The following PLPP4 variants were observed in gnomAD, a reference collection of about 807,000 sequenced individuals.
PLPP4 encodes the protein phospholipid phosphatase 4.
PLPP4 carries 20 observed loss-of-function variants against 32.2 expected under a neutral mutation model. The observed-to-expected ratio is 0.62, with a 90% CI of 0.44 to 0.90. PLPP4 has a LOEUF of 0.90. PLPP4 is among the 40% of genes least tolerant of loss of function. The pLI is 0.00. For missense variants in PLPP4, 257 were observed against 353.1 expected (o/e 0.73, Z 2.18); for synonymous variants, 127 against 133.0 (o/e 0.95, Z 0.31).
At chr10:120,580,855 C>G (rs1460106760) in intron 6 of PLPP4, 1 of 1,284,884 alleles carries the variant, frequency 7.8e-7, no homozygotes, top group East Asian at 5.6e-5. Context: ...CTCTAATATC[C>G]TCAGCCCAAG....
intron 1 of PLPP4, among the ~76,000 whole-genome samples, chr10:120,461,854 TTCA>T (rs1446615745): frequency 6.6e-6 from 1 of 152,244 alleles, no homozygotes; most frequent in African/African-American, 2.4e-5. Context: ...TCCTTTTCCC[TTCA>T]TTGGTACGCT....
intron 1 of PLPP4, among the ~76,000 whole-genome samples, chr10:120,465,894 C>T (rs970899983): frequency 1.1e-4 from 16 of 152,132 alleles, no homozygotes; most frequent in Admixed American, 2.6e-4. Context: ...TTGTGGGTAG[C>T]GGCAGTTTGT....
At chr10:120,531,049 GAAGA>G (rs1480460100) in intron 5 of PLPP4, among the ~76,000 whole-genome samples, 4 of 150,296 alleles carry the variant, frequency 2.7e-5, no homozygotes, top group African/African-American at 9.8e-5. Context: ...AGAAAGAATA[GAAGA>G]AAGAAAGAAG....
rs1301904548 is a variant in PLPP4 at position 120,590,379 on chromosome 10, G to C, written c.*877G>C. On this transcript the variant is annotated 3_prime_UTR_variant, in exon 7 of 7. Coordinates refer to ENST00000398250, the MANE Select transcript of PLPP4 (RefSeq NM_001030059.3). ...AAGGGAGTGGCTGAGTGGCCATTGG[G>C]GATAAGAAGCAACTTCAGGCTGAGA... Among the ~76,000 whole-genome samples, 1 of 152,016 alleles carries C rather than the reference G, an allele frequency of 6.6e-6. No homozygotes were observed. The highest frequency in any genetic ancestry group is 2.4e-5 in the African/African-American group (1 of 41,402).
At chr10:120,538,834 C>G (rs187063972) in intron 5 of PLPP4, among the ~76,000 whole-genome samples, 1 of 152,126 alleles carries the variant, frequency 6.6e-6, no homozygotes, top group African/African-American at 2.4e-5. Flanking sequence ...TTTACTATTA[C>G]TAGCCCTATT....
At chr10:120,469,879 C>G (rs1848442632) in intron 1 of PLPP4, among the ~76,000 whole-genome samples, 1 of 152,118 alleles carries the variant, frequency 6.6e-6, no homozygotes, top group Non-Finnish European at 1.5e-5. Flanking sequence ...TTGTATTAAC[C>G]TATTCATGGA....
chr10:120,585,376 G>A (rs970288107), intron 6 of PLPP4, among the ~76,000 whole-genome samples: 1 of 152,082 alleles, frequency 6.6e-6, no homozygotes, highest in Non-Finnish European at 1.5e-5. Context: ...GTTTATTTAC[G>A]ATGCTATGAA....
intron 1 of PLPP4, among the ~76,000 whole-genome samples, chr10:120,478,226 T>A (rs868827596): frequency 1.3e-5 from 2 of 152,338 alleles, no homozygotes; most frequent in Middle Eastern, 3.4e-3. Context: ...TTTTCATTTC[T>A]CATAGTGACC....
chr10:120,554,973 C>T (rs1300847213), intron 5 of PLPP4, among the ~76,000 whole-genome samples: 1 of 152,070 alleles, frequency 6.6e-6, no homozygotes, highest in Non-Finnish European at 1.5e-5. Flanking sequence ...GCTCTGTCTG[C>T]CACTTGGGAC....
At chr10:120,532,394 A>C (rs1380458038) in intron 5 of PLPP4, among the ~76,000 whole-genome samples, 1 of 152,152 alleles carries the variant, frequency 6.6e-6, no homozygotes, top group African/African-American at 2.4e-5. Flanking sequence ...TATATTGATT[A>C]GTATAGCATT....
intron 6 of PLPP4, among the ~76,000 whole-genome samples, chr10:120,588,890 A>G (rs1849887756): frequency 6.6e-6 from 1 of 152,216 alleles, no homozygotes; most frequent in East Asian, 1.9e-4. Context: ...TACTAAAAAT[A>G]CAAAAATTAG....
chr10:120,493,009 ATTC>A (rs1844790551), intron 1 of PLPP4, among the ~76,000 whole-genome samples: 1 of 152,222 alleles, frequency 6.6e-6, no homozygotes, highest in South Asian at 2.1e-4. Flanking sequence ...CAAAGAGGGC[ATTC>A]TTCTACATAT....
chr10:120,534,155 A>G (rs1253121355), intron 5 of PLPP4, among the ~76,000 whole-genome samples: 4 of 152,154 alleles, frequency 2.6e-5, no homozygotes, highest in East Asian at 3.9e-4. Flanking sequence ...TCTGCTAGCA[A>G]TGAATTCTCT....
rs138020287 is a variant in PLPP4 at position 120,580,936 on chromosome 10, C to T, written c.616+5635C>T. On this transcript the variant is annotated intron_variant, in intron 6 of 6. Transcript: ENST00000398250. ...ATGGCAGGGCCCACAGTCACATTTA[C>T]CATCGGCTGCCAACCCCCGCCTCTG... 3.4e-5 allele frequency: 44 copies of T among 1,289,322 alleles called. 1 individual carries two copies. The South Asian group carries it at 4.6e-4, about 13-fold the overall frequency. The allele number at this position is 1,289,322 out of a possible 1,614,324, so 79.9% of individuals were successfully genotyped here.
intron 1 of PLPP4, among the ~76,000 whole-genome samples, chr10:120,457,780 C>G (rs758530275): frequency 1.1e-4 from 16 of 152,238 alleles, no homozygotes; most frequent in Admixed American, 3.9e-4. Context: ...TTCCTCCCCG[C>G]TGTGCCCAGG....
At chr10:120,588,258 G>A (rs1849853174) in intron 6 of PLPP4, among the ~76,000 whole-genome samples, 1 of 152,254 alleles carries the variant, frequency 6.6e-6, no homozygotes, top group African/African-American at 2.4e-5. Context: ...GTTTATGTGA[G>A]CTGCTTTTAT....
At chr10:120,481,919 T>A (rs145895530) in intron 1 of PLPP4, among the ~76,000 whole-genome samples, 2 of 152,166 alleles carry the variant, frequency 1.3e-5, no homozygotes, top group African/African-American at 4.8e-5. Context: ...CAAGATCTGA[T>A]GGTTCTATAA....
chr10:120,521,066 G>A lies in PLPP4; in HGVS notation c.416G>A (p.Arg139His), dbSNP rs201679766. The A allele has an allele frequency of 9.3e-6, 15 of 1,614,024 alleles. No homozygotes were observed. The highest frequency in any genetic ancestry group is 2.2e-5 in the East Asian group (1 of 44,864). The change falls in exon 5 of 7, where the codon CGC (arginine) becomes CAC (histidine). Residue 139 changes from arginine to histidine, a missense_variant. Physicochemically the swap from Arg to His is conservative, Grantham distance 29. Transcript: ENST00000398250. ...TGDPDLVSEG[R>H]KSFPSIHSSF... The stretch of plus-strand genomic sequence containing the variant: ...GACCCCGATCTGGTGTCCGAGGGCC[G>A]CAAAAGCTTCCCCAGCATCCATTCC...
chr10:120,521,598 A>T (rs1034411433), intron 5 of PLPP4, among the ~76,000 whole-genome samples: 1 of 152,176 alleles, frequency 6.6e-6, no homozygotes, highest in African/African-American at 2.4e-5. Flanking sequence ...TAAAACAAAG[A>T]CTTAATACTG....
Sources: gnomAD v4.1 joint callset for allele counts (sites outside exome capture counted in the v4.1 genomes callset) on GRCh38, gnomAD v4.1.1 for gene constraint, MANE v1.5 for transcripts, NCBI Gene and HGNC (gene_info 2026-07-23, HGNC 2026-07-21) for gene names.